The following FNIP1 variants were observed in gnomAD, a reference collection of about 807,000 sequenced individuals.
FNIP1 encodes the protein folliculin interacting protein 1, also known as folliculin-interacting protein 1.
In FNIP1, 40 loss-of-function variants were observed where a neutral mutation model predicts 124.5. That is an observed-to-expected ratio of 0.32 (90% CI 0.25 to 0.42). FNIP1 has a LOEUF of 0.42. Ranked by LOEUF, FNIP1 falls within the 10% of genes least tolerant of loss-of-function variation. FNIP1 has a pLI of 1.00. For missense variants in FNIP1, 1,176 were observed against 1,403.7 expected, an observed-to-expected ratio of 0.84 and a Z score of 2.59; for synonymous variants, 472 against 470.6, an observed-to-expected ratio of 1.00 and a Z score of -0.04.
intron 3 of FNIP1, among the ~76,000 whole-genome samples, chr5:131,727,817 G>A (rs1445130871): frequency 5.3e-5 from 8 of 152,100 alleles, no homozygotes; most frequent in Admixed American, 4.6e-4. Flanking sequence ...GGCTGTTACC[G>A]TTTTCCCTTG....
intron 3 of FNIP1, among the ~76,000 whole-genome samples, chr5:131,720,158 A>T (rs1769610143): frequency 6.6e-6 from 1 of 152,168 alleles, no homozygotes; most frequent in South Asian, 2.1e-4. Context: ...AGACATATAG[A>T]CCAATGGAAC....
chr5:131,722,386 ATT>A (rs1769697441), intron 3 of FNIP1, among the ~76,000 whole-genome samples: 3 of 152,306 alleles, frequency 2.0e-5, no homozygotes, highest in Admixed American at 2.0e-4. Context: ...TCCCAATACC[ATT>A]CTTAACTGAT....
intron 3 of FNIP1, among the ~76,000 whole-genome samples, chr5:131,725,064 C>T (rs1040985772): frequency 3.3e-5 from 5 of 152,108 alleles, no homozygotes; most frequent in African/African-American, 4.8e-5. Context: ...GTCTATGTAT[C>T]TGTTTTGGTA....
At chr5:131,779,516 TAA>T (rs201631709) in intron 1 of FNIP1, among the ~76,000 whole-genome samples, 9 of 142,638 alleles carry the variant, frequency 6.3e-5, no homozygotes, top group Admixed American at 2.1e-4. Context: ...CACTTCTAGT[TAA>T]AAAAAAAAAA....
chr5:131,796,637 G>T, intron 1 of FNIP1, 193 bp downstream of exon 1: 1 of 579,844 alleles, frequency 1.7e-6, no homozygotes, highest in Non-Finnish European at 3.0e-6. Flanking sequence ...AGGCGGGTGG[G>T]GTAAAATAAA....
intron 1 of FNIP1, among the ~76,000 whole-genome samples, chr5:131,770,029 G>A (rs953645567): frequency 2.6e-5 from 4 of 152,268 alleles, no homozygotes; most frequent in South Asian, 2.1e-4. Flanking sequence ...TCAACAATCC[G>A]TATCTATAAC....
chr5:131,716,574 C>A lies in FNIP1; in HGVS notation c.613G>T (p.Gly205Ter). ...DNNTVINGLL[G>*]NIGLSQFCSP... ...CAAAGGAACCATTTACCTATATTTC[C>A]AAGCAGTCCATTAATAACTGTGTTA... The change falls in exon 6 of 18, where the codon GGA (glycine) becomes TGA (stop). Residue 205 changes from glycine (G) to a stop codon, truncating the protein, a stop_gained. Transcript: ENST00000510461. LOFTEE classifies it high-confidence loss of function. 6.3e-7 allele frequency: 1 copy of A among 1,593,090 alleles called. No individual in the cohort carries two copies. Among genetic ancestry groups the A allele is most frequent in the Non-Finnish European group, 8.6e-7 (1 of 1,168,008 alleles).
At chr5:131,699,151 T>A in intron 10 of FNIP1, 149 bp from the exon 11 acceptor site, 2 of 541,450 alleles carry the variant, frequency 3.7e-6, no homozygotes, top group Non-Finnish European at 6.1e-6. Context: ...ATGCATTTAT[T>A]GTGGCTTTTT....
At chr5:131,655,573 C>T (rs996003268) in intron 15 of FNIP1, among the ~76,000 whole-genome samples, 6 of 152,080 alleles carry the variant, frequency 3.9e-5, no homozygotes, top group Non-Finnish European at 7.4e-5. Flanking sequence ...GTAGCTACTT[C>T]CTGTTGCTAT....
chr5:131,741,602 C>A (rs1028072363), intron 2 of FNIP1, among the ~76,000 whole-genome samples: 1 of 152,186 alleles, frequency 6.6e-6, no homozygotes, highest in Non-Finnish European at 1.5e-5. Flanking sequence ...TTCAACCAAA[C>A]GCAGAAATGG....
intron 1 of FNIP1, among the ~76,000 whole-genome samples, chr5:131,762,617 T>C (rs1347851370): frequency 6.6e-6 from 1 of 152,124 alleles, no homozygotes; most frequent in Admixed American, 6.5e-5. Flanking sequence ...GGTGAGGATG[T>C]AGAGAAAAGG....
At chr5:131,743,632 T>C (rs1045136446) in intron 2 of FNIP1, among the ~76,000 whole-genome samples, 2 of 151,846 alleles carry the variant, frequency 1.3e-5, no homozygotes, top group African/African-American at 4.8e-5. Flanking sequence ...TATTAGGAGG[T>C]GGGGACTTTA....
intron 6 of FNIP1, 149 bp downstream of exon 6, chr5:131,716,416 C>T (rs541674026): frequency 1.4e-5 from 7 of 515,524 alleles, no homozygotes; most frequent in Admixed American, 7.5e-5. Context: ...AAATGTTATA[C>T]ATACTGGCAA....
Position 131,672,479 on chromosome 5 carries a change from G to A in FNIP1, c.1965C>T (p.Cys655=), listed in dbSNP as rs1256692544. ...DECQMISPSD[C]QEENAVDVKQ... Reference sequence around the variant, plus strand: ...TAACATCAACAGCATTTTCTTCTTGGCAGTCAGAAGGAGAAATCATCTGGC... The same window carrying A: ...TAACATCAACAGCATTTTCTTCTTGACAGTCAGAAGGAGAAATCATCTGGC... The change falls in exon 14 of 18, where the codon TGC becomes TGT. Residue 655 remains cysteine, a synonymous_variant. Transcript: ENST00000510461. 6.2e-7 allele frequency: 1 copy of A among 1,613,276 alleles called. No homozygotes were observed. Among genetic ancestry groups the A allele is most frequent in the Non-Finnish European group, 8.5e-7 (1 of 1,180,040 alleles).
intron 15 of FNIP1, among the ~76,000 whole-genome samples, chr5:131,652,664 A>AACAGG (rs1448643963): frequency 6.6e-6 from 1 of 152,158 alleles, no homozygotes; most frequent in Non-Finnish European, 1.5e-5. Flanking sequence ...TTAAAAACAG[A>AACAGG]ACAGGACAGG....
At chr5:131,726,163 G>A (rs994756843) in intron 3 of FNIP1, among the ~76,000 whole-genome samples, 2 of 152,030 alleles carry the variant, frequency 1.3e-5, no homozygotes, top group African/African-American at 2.4e-5. Flanking sequence ...TTCTTTTTTT[G>A]TTGTGTCTCT....
At chr5:131,682,156 T>TA (rs1474992082) in intron 11 of FNIP1, among the ~76,000 whole-genome samples, 1 of 152,142 alleles carries the variant, frequency 6.6e-6, no homozygotes, top group Admixed American at 6.5e-5. Flanking sequence ...AATAAATAAA[T>TA]ATGCTGATCA....
intron 1 of FNIP1, among the ~76,000 whole-genome samples, chr5:131,749,622 C>T (rs1014137066): frequency 1.3e-5 from 2 of 152,004 alleles, no homozygotes; most frequent in South Asian, 2.1e-4. Context: ...AAACTCCTGA[C>T]CTCAGGTGAT....
intron 11 of FNIP1, among the ~76,000 whole-genome samples, chr5:131,681,799 G>C (rs1768094727): frequency 7.7e-6 from 1 of 129,078 alleles, no homozygotes; most frequent in Admixed American, 7.6e-5. Context: ...AGAGAAAACA[G>C]AATAAATTGT....
Sources: allele counts gnomAD v4.1 joint callset (sites outside exome capture counted in the v4.1 genomes callset), GRCh38; gene constraint gnomAD v4.1.1; transcripts MANE v1.5; gene names NCBI Gene and HGNC (gene_info 2026-07-23, HGNC 2026-07-21).